Variants in SPMIP2 observed in about 807,000 individuals in gnomAD.
The protein encoded by SPMIP2 is sperm microtubule inner protein 2, also known as protein SPMIP2.
the SPMIP2 span, among the ~76,000 whole-genome samples, chr4:158,960,528 T>C: frequency 2.0e-5 from 3 of 152,098 alleles, no homozygotes; most frequent in African/African-American, 4.8e-5. Flanking sequence ...AGGAAAAAAG[T>C]ACAAGAAGTA....
At chr4:159,028,137 A>T in the SPMIP2 span, among the ~76,000 whole-genome samples, 1 of 152,204 alleles carries the variant, frequency 6.6e-6, no homozygotes, top group African/African-American at 2.4e-5. Context: ...GCCTTCAGCA[A>T]GTCACTTAAC....
At chr4:158,984,568 T>C in the SPMIP2 span, among the ~76,000 whole-genome samples, 1 of 151,822 alleles carries the variant, frequency 6.6e-6, no homozygotes, top group Admixed American at 6.6e-5. Context: ...GAAATAAAGA[T>C]GTTCTTTGAA....
chr4:158,928,045 C>T, the SPMIP2 span, among the ~76,000 whole-genome samples: 2 of 152,196 alleles, frequency 1.3e-5, no homozygotes, highest in Non-Finnish European at 2.9e-5. Flanking sequence ...CCCTGCTCCA[C>T]GGTGCCCAGT....
At chr4:158,940,741 T>C in the SPMIP2 span, among the ~76,000 whole-genome samples, 1 of 152,218 alleles carries the variant, frequency 6.6e-6, no homozygotes, top group Admixed American at 6.5e-5. Context: ...TTTCCTAAAG[T>C]GACAGTATGG....
chr4:158,951,342 C>A, the SPMIP2 span, among the ~76,000 whole-genome samples: 5 of 152,298 alleles, frequency 3.3e-5, no homozygotes, highest in African/African-American at 1.2e-4. Context: ...TTGGTATAAC[C>A]TATTGCTCCT....
the SPMIP2 span, among the ~76,000 whole-genome samples, chr4:159,010,449 T>C: frequency 6.6e-6 from 1 of 152,234 alleles, no homozygotes; most frequent in Non-Finnish European, 1.5e-5. Flanking sequence ...GAATTCTGAA[T>C]TCTGGTAAAG....
chr4:159,025,063 CACA>C, the SPMIP2 span, among the ~76,000 whole-genome samples: 1 of 152,184 alleles, frequency 6.6e-6, no homozygotes, highest in African/African-American at 2.4e-5. Context: ...TGTCCAAGGT[CACA>C]ACAATAAGTA....
At chr4:159,060,464 G>C in the SPMIP2 span, among the ~76,000 whole-genome samples, 2 of 152,320 alleles carry the variant, frequency 1.3e-5, no homozygotes, top group South Asian at 2.1e-4. Flanking sequence ...TTAGTGTTTA[G>C]AGCTGGTGAC....
chr4:159,044,640 A>C, the SPMIP2 span, among the ~76,000 whole-genome samples: 1 of 152,180 alleles, frequency 6.6e-6, no homozygotes, highest in Non-Finnish European at 1.5e-5. Flanking sequence ...AGGGACACAC[A>C]GCCCTTGGAA....
chr4:159,006,058 C>T, the SPMIP2 span, among the ~76,000 whole-genome samples: 499 of 152,316 alleles, frequency 3.3e-3, 4 homozygotes, highest in African/African-American at 0.011. Context: ...GCCACCGCGC[C>T]TGACCCTCTT....
the SPMIP2 span, among the ~76,000 whole-genome samples, chr4:158,952,043 T>C: frequency 1.3e-5 from 2 of 152,346 alleles, no homozygotes; most frequent in East Asian, 1.9e-4. Context: ...TCTGGGGTAA[T>C]CTGGGATTGC....
the SPMIP2 span, among the ~76,000 whole-genome samples, chr4:158,996,039 G>C: frequency 2.3e-3 from 346 of 152,178 alleles, 1 homozygote; most frequent in Non-Finnish European, 4.2e-3. Context: ...GTCCCTATTA[G>C]AGACTCGCAC....
At chr4:159,039,001 C>T in the SPMIP2 span, among the ~76,000 whole-genome samples, 19 of 152,070 alleles carry the variant, frequency 1.2e-4, no homozygotes, top group African/African-American at 4.3e-4. Flanking sequence ...TCTTTTGAGG[C>T]AGAGTCTCAC....
chr4:158,904,386 T>G, the SPMIP2 span: 4 of 1,297,402 alleles, frequency 3.1e-6, no homozygotes, highest in Non-Finnish European at 4.4e-6. Context: ...GAAATAATAC[T>G]TTCTCATAAA....
chr4:159,050,795 G>A, the SPMIP2 span, among the ~76,000 whole-genome samples: 80 of 121,014 alleles, frequency 6.6e-4, no homozygotes, highest in African/African-American at 1.9e-3. Context: ...GAACTCATCC[G>A]TTAAAAAAAA....
chr4:159,074,451 A>G, the SPMIP2 span, among the ~76,000 whole-genome samples: 1 of 152,160 alleles, frequency 6.6e-6, no homozygotes, highest in East Asian at 1.9e-4. Flanking sequence ...AAGATGAGGT[A>G]TGGCCACAGA....
chr4:158,989,522 C>T, the SPMIP2 span, among the ~76,000 whole-genome samples: 1 of 152,006 alleles, frequency 6.6e-6, no homozygotes, highest in Non-Finnish European at 1.5e-5. Flanking sequence ...GGTACTGGAA[C>T]CAAAACAGAT....
the SPMIP2 span, among the ~76,000 whole-genome samples, chr4:159,081,223 G>T: frequency 6.6e-6 from 1 of 151,906 alleles, no homozygotes; most frequent in Non-Finnish European, 1.5e-5. Context: ...ATTTTTAGTA[G>T]AGACGAGGTT....
chr4:158,999,194 A>C, the SPMIP2 span, among the ~76,000 whole-genome samples: 5 of 150,688 alleles, frequency 3.3e-5, no homozygotes, highest in African/African-American at 4.9e-5. Flanking sequence ...ACAAAAAAAA[A>C]CCCAAAAAAA....
Sources: allele counts gnomAD v4.1 joint callset (sites outside exome capture counted in the v4.1 genomes callset), GRCh38; gene constraint gnomAD v4.1.1; transcripts MANE v1.5; gene names NCBI Gene and HGNC (gene_info 2026-07-23, HGNC 2026-07-21).